RABGAP1: variants seen among roughly 807,000 people sequenced by gnomAD.
RABGAP1 encodes rab GTPase-activating protein 1.
RABGAP1 carries 23 observed loss-of-function variants against 137.6 expected under a neutral mutation model. The observed-to-expected ratio is 0.17, with a 90% CI of 0.12 to 0.24. The LOEUF (loss-of-function observed/expected upper bound fraction) is 0.24. Among genes scored for constraint, RABGAP1 ranks in the 10% least tolerant of loss-of-function variants. The probability of loss-of-function intolerance (pLI) is 1.00; values close to 1 mark genes in which losing one functional copy is unlikely to be tolerated. For missense variants in RABGAP1, 906 were observed against 1,275.8 expected (o/e 0.71, Z 4.42); for synonymous variants, 451 against 450.7 (o/e 1.00, Z -0.01).
the RABGAP1 span, among the ~76,000 whole-genome samples, chr9:122,935,329 G>A: frequency 4.6e-4 from 70 of 151,976 alleles, no homozygotes; most frequent in African/African-American, 1.7e-3. Flanking sequence ...TTTATACATT[G>A]TATATCCAAT....
At chr9:123,001,726 T>C (rs760536613) in intron 10 of RABGAP1, among the ~76,000 whole-genome samples, 1 of 152,186 alleles carries the variant, frequency 6.6e-6, no homozygotes, top group Non-Finnish European at 1.5e-5. Context: ...AATTGTAAAT[T>C]GGCAGCATAA....
At chr9:123,074,161 G>C in intron 16 of RABGAP1, 124 bp from the exon 17 acceptor site, 3 of 1,165,818 alleles carry the variant, frequency 2.6e-6, no homozygotes, top group Non-Finnish European at 3.6e-6. Context: ...TAAGCACTTT[G>C]GAGATTTTTA....
the RABGAP1 span, among the ~76,000 whole-genome samples, chr9:122,934,981 T>C: frequency 6.6e-6 from 1 of 152,264 alleles, no homozygotes; most frequent in Non-Finnish European, 1.5e-5. Flanking sequence ...GTTTAAACCA[T>C]TTAGATTTAA....
chr9:123,074,968 A>G (rs576799665), intron 17 of RABGAP1, among the ~76,000 whole-genome samples: 62 of 152,342 alleles, frequency 4.1e-4, no homozygotes, highest in African/African-American at 1.3e-3. Context: ...ACTTTTTAAA[A>G]AATAAGCTGA....
At chr9:123,025,159 C>T (rs1376452116) in intron 13 of RABGAP1, among the ~76,000 whole-genome samples, 1 of 152,172 alleles carries the variant, frequency 6.6e-6, no homozygotes, top group East Asian at 1.9e-4. Flanking sequence ...TGTGCTACTC[C>T]TATTTTCCTA....
chr9:123,076,132 A>G (rs1453201585), intron 17 of RABGAP1, 113 bp from the exon 18 acceptor site: 1 of 1,135,872 alleles, frequency 8.8e-7, no homozygotes, highest in Non-Finnish European at 1.3e-6. Flanking sequence ...GAGATAATGC[A>G]TTTCCTTCCT....
At chr9:123,076,935 A>G (rs930904105) in intron 19 of RABGAP1, 173 bp downstream of exon 19, 2 of 349,940 alleles carry the variant, frequency 5.7e-6, no homozygotes, top group Admixed American at 5.8e-5. Flanking sequence ...TCTGTATTAT[A>G]TAACTCTTAA....
At chr9:122,940,375 C>T (rs1833481885), upstream of RABGAP1, 1 of 152,100 alleles carries the variant, frequency 6.6e-6, no homozygotes, top group South Asian at 2.1e-4. Flanking sequence ...GCCTTAAATG[C>T]CTTTAGGCAG....
At chr9:122,955,265 G>A (rs969631338) in intron 1 of RABGAP1, among the ~76,000 whole-genome samples, 3 of 152,126 alleles carry the variant, frequency 2.0e-5, no homozygotes, top group Non-Finnish European at 4.4e-5. Flanking sequence ...GTACTTATTA[G>A]GTACGATTTG....
chr9:123,074,954 G>A (rs2034467023), intron 17 of RABGAP1, among the ~76,000 whole-genome samples: 2 of 151,772 alleles, frequency 1.3e-5, no homozygotes, highest in South Asian at 4.2e-4. Context: ...TAGCTGCAAG[G>A]GAGACTTTTT....
Position 123,103,904 on chromosome 9 carries a change from G to A in RABGAP1, c.*691G>A, listed in dbSNP as rs1262410055. The A allele has an allele frequency of 6.7e-6, 1 of 150,298 alleles. No individual in the cohort carries two copies. Among genetic ancestry groups the A allele is most frequent in the Non-Finnish European group, 1.5e-5 (1 of 67,672 alleles). The allele number at this position is 150,298 out of a possible 1,614,324, so 9.3% of individuals were successfully genotyped here. On this transcript the variant is annotated 3_prime_UTR_variant, in exon 26 of 26. Transcript: ENST00000373647. ...CAAATGACTTCAAAAGGCTGGGGTG[G>A]GTGACTTGACTGTGAGACTGGATTA...
chr9:123,031,807 C>T (rs1294308116), intron 13 of RABGAP1, among the ~76,000 whole-genome samples: 2 of 152,160 alleles, frequency 1.3e-5, no homozygotes, highest in African/African-American at 4.8e-5. Flanking sequence ...AGGACATCTA[C>T]AGGACATCTT....
chr9:122,989,111 A>G (rs149683241), intron 4 of RABGAP1, among the ~76,000 whole-genome samples, 186 bp from the exon 5 acceptor site: 72 of 152,276 alleles, frequency 4.7e-4, no homozygotes, highest in African/African-American at 1.7e-3. Flanking sequence ...TTTTAGTACT[A>G]TGGAATTACG....
intron 19 of RABGAP1, among the ~76,000 whole-genome samples, chr9:123,079,166 CTTGT>C (rs1232601288): frequency 6.6e-6 from 1 of 151,116 alleles, no homozygotes; most frequent in East Asian, 1.9e-4. Flanking sequence ...ACTGTGCCCC[CTTGT>C]TTGTTTCTTT....
chr9:123,029,651 A>G (rs1588297169), intron 13 of RABGAP1: 3 of 715,720 alleles, frequency 4.2e-6, no homozygotes, highest in East Asian at 3.0e-5. Context: ...CCTTTGGACC[A>G]TTTCTTCTTT....
chr9:122,965,996 T>C (rs1391925412), intron 2 of RABGAP1, among the ~76,000 whole-genome samples: 1 of 152,182 alleles, frequency 6.6e-6, no homozygotes, highest in African/African-American at 2.4e-5. Flanking sequence ...CTGAGCTGTT[T>C]AGTCTAAATC....
At chr9:123,063,295 G>C (rs2034049060) in intron 13 of RABGAP1, 1 of 152,764 alleles carries the variant, frequency 6.5e-6, no homozygotes, top group Admixed American at 6.6e-5. Flanking sequence ...TTGTTTTATA[G>C]AATTCCTAAA....
chr9:122,974,415 C>CTTTTTTTTTTTT (rs11331973), intron 2 of RABGAP1, among the ~76,000 whole-genome samples: 4 of 58,220 alleles, frequency 6.9e-5, no homozygotes, highest in Admixed American at 2.2e-4. Context: ...ATGGCTTTGT[C>CTTTTTTTTTTTT]TTTTTTTTTT....
intron 13 of RABGAP1, among the ~76,000 whole-genome samples, chr9:123,056,687 C>T (rs373804639): frequency 0.016 from 2,446 of 151,876 alleles, 33 homozygotes; most frequent in South Asian, 0.067. Context: ...TGACTCTTAA[C>T]GAGCATGCTG....
Sources: allele counts gnomAD v4.1 joint callset (sites outside exome capture counted in the v4.1 genomes callset), GRCh38; gene constraint gnomAD v4.1.1; transcripts MANE v1.5; gene names NCBI Gene and HGNC (gene_info 2026-07-23, HGNC 2026-07-21).